The following SCN11A variants were observed in gnomAD, a reference collection of about 807,000 sequenced individuals.
SCN11A encodes the protein sodium voltage-gated channel alpha subunit 11.
SCN11A carries 122 observed loss-of-function variants against 162.2 expected under a neutral mutation model. The observed-to-expected ratio is 0.75, with a 90% CI of 0.65 to 0.87. The LOEUF (loss-of-function observed/expected upper bound fraction) is 0.87, where lower values mean the gene tolerates loss of function less well. SCN11A is among the 40% of genes least tolerant of loss of function. The probability of loss-of-function intolerance (pLI) is 0.00; values close to 1 mark genes in which losing one functional copy is unlikely to be tolerated. For missense variants in SCN11A, 2,015 were observed against 2,181.6 expected (o/e 0.92, Z 1.52); for synonymous variants, 758 against 751.5 (o/e 1.01, Z -0.14).
At chr3:38,982,643 T>C (rs1301471636) in intron 2 of SCN11A, among the ~76,000 whole-genome samples, 1 of 152,130 alleles carries the variant, frequency 6.6e-6, no homozygotes, top group East Asian at 1.9e-4. Context: ...AAGTAGGGAA[T>C]CAGCAGACAT....
At chr3:39,031,538 C>CAAAAAAAAAAAA (rs1182623442) in intron 2 of SCN11A, among the ~76,000 whole-genome samples, 1 of 125,042 alleles carries the variant, frequency 8.0e-6, no homozygotes, top group Non-Finnish European at 1.6e-5. Flanking sequence ...AAAAAACAAA[C>CAAAAAAAAAAAA]AAACAAAAAA....
intron 2 of SCN11A, among the ~76,000 whole-genome samples, chr3:38,969,635 T>A (rs1345811532): frequency 6.6e-6 from 1 of 152,184 alleles, no homozygotes; most frequent in East Asian, 1.9e-4. Context: ...CTGTGTTTGG[T>A]CATTTCAGCT....
chr3:39,018,431 A>G (rs529700588), intron 2 of SCN11A, among the ~76,000 whole-genome samples: 1 of 152,072 alleles, frequency 6.6e-6, no homozygotes, highest in Non-Finnish European at 1.5e-5. Context: ...TTCCTGTTCT[A>G]AGACCTGGAA....
intron 27 of SCN11A, among the ~76,000 whole-genome samples, chr3:38,864,549 C>T (rs2065013291): frequency 6.6e-6 from 1 of 152,072 alleles, no homozygotes; most frequent in Non-Finnish European, 1.5e-5. Context: ...TAAGTGAAAA[C>T]TTTGTAGTCC....
intron 19 of SCN11A, among the ~76,000 whole-genome samples, chr3:38,888,461 C>T (rs2065438675): frequency 6.6e-6 from 1 of 152,160 alleles, no homozygotes; most frequent in Admixed American, 6.5e-5. Flanking sequence ...AGGAAACAAA[C>T]ATAAAATCAG....
intron 1 of SCN11A, among the ~76,000 whole-genome samples, chr3:39,046,737 T>C (rs1460821363): frequency 6.6e-6 from 1 of 152,142 alleles, no homozygotes; most frequent in Admixed American, 6.5e-5. Context: ...AATGGTTTTT[T>C]TGAAACAGGG....
At chr3:38,938,287 G>A (rs2066369938) in intron 7 of SCN11A, among the ~76,000 whole-genome samples, 1 of 151,392 alleles carries the variant, frequency 6.6e-6, no homozygotes, top group Admixed American at 6.6e-5. Context: ...GCTAATTGAC[G>A]AGTTAATGGG....
In SCN11A at chr3:38,883,852, G is replaced by C. The variant is rs545522702; in HGVS notation, c.3065-465C>G. ...TGCCACTGAGGTTTTGTAGTTGTTT[G>C]TTATGCAGCAATTTTTTTGGTAATC... is the stretch of plus-strand genomic sequence containing the variant. On this transcript the variant is annotated intron_variant, in intron 21 of 29. Coordinates refer to ENST00000302328, the MANE Select transcript of SCN11A (RefSeq NM_001349253.2). Among the ~76,000 whole-genome samples, 3 of 152,264 alleles carry C rather than the reference G, an allele frequency of 2.0e-5. No homozygotes were observed. In the Middle Eastern group the frequency reaches 0.01, roughly 518 times the overall value.
In SCN11A at chr3:38,950,106, C is replaced by A. The variant is rs1213171012; in HGVS notation, c.257G>T (p.Arg86Leu). ...CGCCCAATGAAGTACCTTATGATTTCGGTAGAATGGGTCCAAGTCTTCCAG... is the reference window on the plus strand; with the variant it reads ...CGCCCAATGAAGTACCTTATGATTTAGGTAGAATGGGTCCAAGTCTTCCAG... ...KPLEDLDPFY[R>L]NHKTFMVLNR... Residue 86 changes from arginine (R) to leucine (L), a missense_variant, in exon 5 of 30, where the codon CGA becomes CTA. Arg to Leu is a moderately radical substitution (Grantham distance 102, BLOSUM62 -2). Coordinates refer to ENST00000302328, the MANE Select transcript of SCN11A (RefSeq NM_001349253.2). 8.8e-7 allele frequency: 1 copy of A among 1,136,032 alleles called. No homozygotes were observed. Among genetic ancestry groups the A allele is most frequent in the Non-Finnish European group, 1.2e-6 (1 of 828,150 alleles). 70.4% of individuals were successfully genotyped at this position (1,136,032 alleles called of 1,614,324 possible).
chr3:38,921,148 G>T lies in SCN11A; in HGVS notation c.820C>A (p.Leu274Ile). The T allele has an allele frequency of 6.2e-7, 1 of 1,614,110 alleles. No homozygotes were observed. Among genetic ancestry groups the T allele is most frequent in the Non-Finnish European group, 8.5e-7 (1 of 1,179,946 alleles). ...TTCAGGTTCAGACTTCCCATGAAGA[G>T]CTGCTGACCTACCAGGGCAAAGATG... is the stretch of plus-strand genomic sequence containing the variant. ...LSIFALVGQQLFMGSLNLKCI... is the reference protein window; with the variant it reads ...LSIFALVGQQIFMGSLNLKCI... The change falls in exon 10 of 30, where the codon CTC becomes ATC. Residue 274 changes from leucine to isoleucine, a missense_variant. Physicochemically the swap from Leu to Ile is conservative, Grantham distance 5 (BLOSUM62 2). Transcript: ENST00000302328.
intron 19 of SCN11A, among the ~76,000 whole-genome samples, chr3:38,886,808 C>A (rs1461897024): frequency 6.6e-6 from 1 of 152,094 alleles, no homozygotes; most frequent in Non-Finnish European, 1.5e-5. Context: ...CTACATAAAA[C>A]TGAAAAATAA....
intron 1 of SCN11A, among the ~76,000 whole-genome samples, chr3:39,049,177 A>C (rs916922784): frequency 6.6e-6 from 1 of 152,276 alleles, no homozygotes; most frequent in African/African-American, 2.4e-5. Flanking sequence ...CAGAGCATAT[A>C]CTGCATCCTA....
intron 19 of SCN11A, among the ~76,000 whole-genome samples, chr3:38,890,549 C>G (rs2065482514): frequency 6.6e-6 from 1 of 152,200 alleles, no homozygotes; most frequent in Admixed American, 6.5e-5. Context: ...GGGGTCAAAA[C>G]AAATCTCAAA....
intron 19 of SCN11A, among the ~76,000 whole-genome samples, chr3:38,888,752 C>T (rs550871246): frequency 4.6e-5 from 7 of 152,242 alleles, no homozygotes; most frequent in Admixed American, 1.3e-4. Flanking sequence ...AGAAAATCTA[C>T]TAAAATTCAG....
At chr3:38,977,217 T>TA (rs1283772640) in intron 2 of SCN11A, among the ~76,000 whole-genome samples, 1 of 152,230 alleles carries the variant, frequency 6.6e-6, no homozygotes, top group East Asian at 1.9e-4. Context: ...CTTGACTTCC[T>TA]AGTCCAGCCC....
At chr3:38,883,419 G>C in intron 21 of SCN11A, 32 bp from the exon 22 acceptor site, 1 of 1,596,732 alleles carries the variant, frequency 6.3e-7, no homozygotes, top group Non-Finnish European at 8.6e-7. Flanking sequence ...ACTATCATTA[G>C]TGTCTGTAAT....
chr3:38,894,898 C>T lies in SCN11A; in HGVS notation c.2470G>A (p.Glu824Lys), dbSNP rs377714767. The change falls in exon 19 of 30, where the codon GAA becomes AAA. Residue 824 changes from glutamate (E) to lysine (K), a missense_variant. Transcript: ENST00000302328. ...FSNEERNGNL[E>K]GEARKTKVQL... ...ACTTTAGTTTTCCTGGCCTCTCCTT[C>T]TAAGTTTCCATTTCTTTCCTCATTG... The T allele has an allele frequency of 1.9e-6, 3 of 1,614,156 alleles. No homozygotes were observed. The highest frequency in any genetic ancestry group is 1.1e-5 in the South Asian group (1 of 91,084).
At chr3:39,047,109 G>A (rs2032205036) in intron 1 of SCN11A, among the ~76,000 whole-genome samples, 1 of 137,666 alleles carries the variant, frequency 7.3e-6, no homozygotes, top group Non-Finnish European at 1.5e-5. Context: ...TGTTTCCCAG[G>A]CTGGAGTGCA....
chr3:39,022,619 C>A (rs1322067958), intron 2 of SCN11A, among the ~76,000 whole-genome samples: 1 of 152,168 alleles, frequency 6.6e-6, no homozygotes, highest in Non-Finnish European at 1.5e-5. Flanking sequence ...CAGTGGCTCA[C>A]ACCTGTAATC....
Sources: allele counts gnomAD v4.1 joint callset (sites outside exome capture counted in the v4.1 genomes callset), GRCh38; gene constraint gnomAD v4.1.1; transcripts MANE v1.5; gene names NCBI Gene and HGNC (gene_info 2026-07-23, HGNC 2026-07-21).